The following PEAK1 variants were observed in gnomAD, a reference collection of about 807,000 sequenced individuals.
PEAK1 encodes the protein inactive tyrosine-protein kinase PEAK1.
In PEAK1, 54 loss-of-function variants were observed where a neutral mutation model predicts 124.7. The observed-to-expected ratio is 0.43, with a 90% CI of 0.35 to 0.54. The LOEUF is 0.54. Among genes scored for constraint, PEAK1 ranks in the 20% least tolerant of loss-of-function variants. The pLI, the probability that PEAK1 is intolerant of heterozygous loss-of-function variation, is 0.01. For synonymous variants in PEAK1, 719 were observed against 760.0 expected, an observed-to-expected ratio of 0.95 and a Z score of 0.89; for missense variants, 2,046 against 2,134.5, an observed-to-expected ratio of 0.96 and a Z score of 0.82.
chr15:77,409,125 C>A (rs113171644), intron 1 of PEAK1, among the ~76,000 whole-genome samples: 1 of 152,012 alleles, frequency 6.6e-6, no homozygotes. Flanking sequence ...TCTTCCCTTG[C>A]GATAACAAAA....
Position 77,252,376 on chromosome 15 carries a change from C to T in PEAK1, c.-124G>A, listed in dbSNP as rs2060920599. ...GGAGAATTCTGCTTACTATTTAAAT[C>T]TGAAGCACTTCATTCATTCTGGTGA... On this transcript the variant is annotated 5_prime_UTR_variant, in exon 6 of 10. Coordinates refer to ENST00000682557, the MANE Select transcript of PEAK1 (RefSeq NM_001385026.1). 2.0e-6 allele frequency: 2 copies of T among 985,224 alleles called. No individual in the cohort carries two copies. The highest frequency in any genetic ancestry group is 2.4e-6 in the Non-Finnish European group (2 of 829,758). The allele number at this position is 985,224 out of a possible 1,614,324, so 61.0% of individuals were successfully genotyped here.
chr15:77,173,497 A>G (rs531818460), intron 7 of PEAK1, among the ~76,000 whole-genome samples: 2 of 152,230 alleles, frequency 1.3e-5, no homozygotes, highest in South Asian at 4.1e-4. Flanking sequence ...CAATTTTGAA[A>G]TATGTACTAT....
At chr15:77,268,208 C>T (rs1245238359) in intron 5 of PEAK1, among the ~76,000 whole-genome samples, 1 of 152,150 alleles carries the variant, frequency 6.6e-6, no homozygotes, top group South Asian at 2.1e-4. Flanking sequence ...GACACAGTGG[C>T]TCACGCCTAT....
At chr15:77,419,394 G>C (rs976946560) in intron 1 of PEAK1, 1 of 985,048 alleles carries the variant, frequency 1.0e-6, no homozygotes, top group Non-Finnish European at 1.2e-6. Flanking sequence ...GGGCAGAAAA[G>C]AAAAAAACTG....
intron 9 of PEAK1, among the ~76,000 whole-genome samples, chr15:77,130,340 T>C (rs2052753513): frequency 6.6e-6 from 1 of 152,218 alleles, no homozygotes; most frequent in Non-Finnish European, 1.5e-5. Context: ...ATATAGAATC[T>C]CAAAATACCT....
Position 77,181,624 on chromosome 15 carries a change from G to C in PEAK1, c.303C>G (p.Ile101Met), listed in dbSNP as rs1296406927. ...CAGCTCTGTTTCGGTTCCACCCTAT[G>C]ATGACAGGTTTGTTCTCACAGTGTT... ...IQEHCENKPV[I>M]IGWNRNRAAL... Residue 101 changes from isoleucine to methionine, a missense_variant, in exon 7 of 10, where the codon ATC becomes ATG. Transcript: ENST00000682557. The C allele has an allele frequency of 6.2e-7, 1 of 1,614,124 alleles. No individual in the cohort carries two copies.
At chr15:77,158,393 A>G in intron 8 of PEAK1, 110 bp downstream of exon 8, 1 of 1,053,666 alleles carries the variant, frequency 9.5e-7, no homozygotes, top group South Asian at 1.5e-5. Context: ...CCAATGGTCC[A>G]AATTCTGCTT....
At position 77,133,712 on chromosome 15, in the gene PEAK1, G is replaced by A. The variant is rs1161054930; in HGVS notation, c.3370C>T (p.Arg1124Ter). The change falls in exon 9 of 10, where the codon CGA (arginine) becomes TGA (stop). Residue 1124 changes from arginine (R) to a stop codon, truncating the protein, a stop_gained. Coordinates refer to ENST00000682557, the MANE Select transcript of PEAK1 (RefSeq NM_001385026.1). LOFTEE classifies it high-confidence loss of function. This position sits in a 1 kb window ranked among gnomAD's most constrained non-coding sequence, Gnocchi z 4.2. ...TCGTCCACAGCTCCCTTGGGCTGTC[G>A]TGGCTGCTTGGGAGGTATCATGGCT... ...RAAMIPPKQP[R>*]QPKGAVDDAI... The A allele has an allele frequency of 3.1e-6, 5 of 1,612,430 alleles. No homozygotes were observed. The highest frequency in any genetic ancestry group is 3.4e-6 in the Non-Finnish European group (4 of 1,179,252).
intron 2 of PEAK1, chr15:77,333,474 A>C (rs1193722145): frequency 1.1e-6 from 1 of 908,238 alleles, no homozygotes; most frequent in Non-Finnish European, 1.3e-6. Context: ...AGCTTATCTA[A>C]GAATAAATAT....
At position 77,133,360 on chromosome 15, in the gene PEAK1, A is replaced by C. The variant is rs1387492802; in HGVS notation, c.3722T>G (p.Leu1241Arg). 6.2e-7 allele frequency: 1 copy of C among 1,614,018 alleles called. No homozygotes were observed. The highest frequency in any genetic ancestry group is 2.2e-5 in the East Asian group (1 of 44,898). Residue 1241 changes from leucine to arginine, a missense_variant, in exon 9 of 10, where the codon CTC becomes CGC. Transcript: ENST00000682557. This position sits in a 1 kb window ranked among gnomAD's most constrained non-coding sequence, Gnocchi z 4.2. ...AANSISSLTT[L>R]SIKDRFSNSM... Reference sequence around the variant, plus strand: ...GTTGGAAAATCTATCCTTAATACTGAGAGTGGTTAAGCTGGAAATGCTGTT... The same window carrying C: ...GTTGGAAAATCTATCCTTAATACTGCGAGTGGTTAAGCTGGAAATGCTGTT...
At chr15:77,350,829 G>C (rs2067164456) in intron 2 of PEAK1, 1 of 979,258 alleles carries the variant, frequency 1.0e-6, no homozygotes, top group African/African-American at 1.8e-5. Flanking sequence ...ATTTGTAATT[G>C]GCTGTTAAGA....
At chr15:77,352,759 G>GACAGACAT in intron 2 of PEAK1, 1 of 966,826 alleles carries the variant, frequency 1.0e-6, no homozygotes. Flanking sequence ...TTCCCTATAA[G>GACAGACAT]ACAGACATAC....
At chr15:77,319,307 T>C (rs182356132) in intron 2 of PEAK1, among the ~76,000 whole-genome samples, 96 of 149,350 alleles carry the variant, frequency 6.4e-4, no homozygotes, top group African/African-American at 2.3e-3. Flanking sequence ...AGGCTTTAAA[T>C]CTTTTCAGTG....
intron 1 of PEAK1, among the ~76,000 whole-genome samples, chr15:77,380,514 T>C (rs551979874): frequency 7.0e-4 from 107 of 152,304 alleles, no homozygotes; most frequent in African/African-American, 2.4e-3. Flanking sequence ...GTTCTTACTC[T>C]GCTACCCAGC....
At chr15:77,229,984 T>G (rs2059838335) in intron 6 of PEAK1, among the ~76,000 whole-genome samples, 1 of 152,112 alleles carries the variant, frequency 6.6e-6, no homozygotes, top group Non-Finnish European at 1.5e-5. Context: ...CAACAAATAT[T>G]ATTTTGTGAT....
intron 7 of PEAK1, 110 bp downstream of exon 7, chr15:77,178,680 T>G (rs774671022): frequency 2.0e-5 from 20 of 1,024,012 alleles, no homozygotes; most frequent in Non-Finnish European, 2.7e-5. Flanking sequence ...GGCCACAGAG[T>G]GCTACTTACA....
chr15:77,310,744 G>A (rs1261393523), intron 2 of PEAK1, among the ~76,000 whole-genome samples: 1 of 152,154 alleles, frequency 6.6e-6, no homozygotes, highest in Admixed American at 6.5e-5. Flanking sequence ...TACAACAAAG[G>A]AATCTGACCT....
At chr15:77,265,608 A>C (rs2061680340) in intron 5 of PEAK1, among the ~76,000 whole-genome samples, 1 of 152,086 alleles carries the variant, frequency 6.6e-6, no homozygotes, top group Non-Finnish European at 1.5e-5. Context: ...AGGAAACAAC[A>C]GGTGCTGGAG....
chr15:77,378,105 G>C (rs983895424), intron 1 of PEAK1, among the ~76,000 whole-genome samples: 12 of 151,502 alleles, frequency 7.9e-5, no homozygotes, highest in Non-Finnish European at 1.3e-4. Context: ...TTACACATGA[G>C]TTTAAAAAGA....
Sources: allele counts gnomAD v4.1 joint callset (sites outside exome capture counted in the v4.1 genomes callset), GRCh38; gene constraint gnomAD v4.1.1; non-coding constraint Gnocchi (gnomAD v3.1); transcripts MANE v1.5; gene names NCBI Gene and HGNC (gene_info 2026-07-23, HGNC 2026-07-21).